FAM200A: variants seen among roughly 807,000 people sequenced by gnomAD.
FAM200A encodes the protein protein FAM200A.
In FAM200A, 26 loss-of-function variants were observed where a neutral mutation model predicts 44.2. The observed-to-expected ratio is 0.59, with a 90% CI of 0.43 to 0.82. The LOEUF (loss-of-function observed/expected upper bound fraction) is 0.82, where lower values mean the gene tolerates loss of function less well. Ranked by LOEUF, FAM200A falls within the 40% of genes least tolerant of loss-of-function variation. The probability of loss-of-function intolerance (pLI) is 0.00; values close to 1 mark genes in which losing one functional copy is unlikely to be tolerated. For synonymous variants in FAM200A, 206 were observed against 244.4 expected (o/e 0.84, Z 1.47); for missense variants, 606 against 669.5 (o/e 0.91, Z 1.05).
At chr7:99,553,056 TATATATACACACAC>T (rs58445512), upstream of FAM200A, among the ~76,000 whole-genome samples, 100 of 109,502 alleles carry the variant, frequency 9.1e-4, no homozygotes, top group Non-Finnish European at 1.3e-3. Flanking sequence ...CACACATATA[TATATATACACACAC>T]ATATATATAT....
Position 99,547,587 on chromosome 7 carries a change from C to G in FAM200A, c.821G>C (p.Ser274Thr). The change falls in exon 2 of 2, where the codon AGC (serine) becomes ACC (threonine). Residue 274 changes from serine (S) to threonine (T), a missense_variant. Coordinates refer to ENST00000449309, the MANE Select transcript of FAM200A (RefSeq NM_145111.4). ...TTCGAGAAGTCGGCTATTCAGTGAG[C>G]TTCCTTTAATAAAATTAACAGTTTT... is the stretch of plus-strand genomic sequence containing the variant. ...AVKTVNFIKG[S>T]SLNSRLLEIF... is the part of the protein sequence containing the mutation. The G allele has an allele frequency of 6.4e-7, 1 of 1,551,408 alleles. No homozygotes were observed. The highest frequency in any genetic ancestry group is 8.7e-7 in the Non-Finnish European group (1 of 1,146,934).
At chr7:99,557,929 G>A (rs1242638063) in intron 1 of FAM200A, among the ~76,000 whole-genome samples, 1 of 152,198 alleles carries the variant, frequency 6.6e-6, no homozygotes, top group African/African-American at 2.4e-5. Context: ...TAAGGATCCA[G>A]GTTCAGCAAG....
upstream of FAM200A, among the ~76,000 whole-genome samples, chr7:99,553,938 T>C (rs151076355): frequency 6.6e-6 from 1 of 152,340 alleles, no homozygotes; most frequent in East Asian, 1.9e-4. Context: ...TTCAGGTATG[T>C]CAATGGATAA....
At position 99,548,250 on chromosome 7, in the gene FAM200A, G is replaced by A. The variant is rs757343996; in HGVS notation, c.158C>T (p.Ser53Phe). 6.2e-7 allele frequency: 1 copy of A among 1,612,348 alleles called. No individual in the cohort carries two copies. The highest frequency in any genetic ancestry group is 8.5e-7 in the Non-Finnish European group (1 of 1,179,158). Residue 53 changes from serine to phenylalanine, a missense_variant, in exon 2 of 2, where the codon TCT becomes TTT. Physicochemically the swap from Ser to Phe is radical, Grantham distance 155. Transcript: ENST00000449309. ...VESSPQVLSR[S>F]TTMNERALLS... ...TAAGGCTCTCTCATTCATAGTTGTA[G>A]AGCGACTGAGAACTTGTGGCGATGA... is the stretch of plus-strand genomic sequence containing the variant.
At chr7:99,555,022 T>C (rs1802651426), upstream of FAM200A, among the ~76,000 whole-genome samples, 1 of 152,352 alleles carries the variant, frequency 6.6e-6, no homozygotes, top group South Asian at 2.1e-4. Flanking sequence ...GCTGTGACTC[T>C]TTATGATGGG....
Position 99,546,791 on chromosome 7 carries a change from CTT to C in FAM200A, c.1615_1616del (p.Lys539GlufsTer4). The C allele has an allele frequency of 5.2e-6, 8 of 1,551,626 alleles. No homozygotes were observed. The highest frequency in any genetic ancestry group is 7.0e-6 in the Non-Finnish European group (8 of 1,146,982). On this transcript the variant is annotated frameshift_variant, in exon 2 of 2. Transcript: ENST00000449309. LOFTEE classifies it high-confidence loss of function. The part of the protein sequence containing the change: ...GFSILTRLKT[K>X]KRNRLNSAPD... ...GTGCACTATTGAGCCTATTTCTCTTCTTTGTTTTTAACCGTGTCAAGATTGAA... is the reference window on the plus strand; with the variant it reads ...GTGCACTATTGAGCCTATTTCTCTTCTGTTTTTAACCGTGTCAAGATTGAA...
chr7:99,553,018 C>T (rs1429101421), upstream of FAM200A, among the ~76,000 whole-genome samples: 1 of 131,744 alleles, frequency 7.6e-6, no homozygotes, highest in Non-Finnish European at 1.6e-5. Flanking sequence ...TATATATACA[C>T]ATATATATAC....
chr7:99,553,099 ATT>A (rs576289512), upstream of FAM200A, among the ~76,000 whole-genome samples: 457 of 61,236 alleles, frequency 7.5e-3, 4 homozygotes, highest in East Asian at 0.012. Context: ...ATATATATAT[ATT>A]TTTTTTTTTT....
In FAM200A at chr7:99,547,340, T is replaced by C. The variant is rs1221731245; in HGVS notation, c.1068A>G (p.Glu356=). Residue 356 remains glutamate, a synonymous_variant, in exon 2 of 2, where the codon GAA becomes GAG. Coordinates refer to ENST00000449309, the MANE Select transcript of FAM200A (RefSeq NM_145111.4). ...YLSDIFGILN[E]LSLKMQGKNN... ...TTTTCCCCTGCATTTTCAGGCTTAATTCATTAAGAATGCCAAAAATATCAC... is the reference window on the plus strand; with the variant it reads ...TTTTCCCCTGCATTTTCAGGCTTAACTCATTAAGAATGCCAAAAATATCAC... 7.1e-6 allele frequency: 11 copies of C among 1,550,266 alleles called. No homozygotes were observed. Among genetic ancestry groups the C allele is most frequent in the Admixed American group, 2.0e-5 (1 of 50,888 alleles).
upstream of FAM200A, among the ~76,000 whole-genome samples, chr7:99,553,623 AT>A (rs1255702349): frequency 6.6e-6 from 1 of 152,198 alleles, no homozygotes; most frequent in Non-Finnish European, 1.5e-5. Flanking sequence ...GGAGGCACAA[AT>A]TCTACAGGTG....
rs1334676226 is a variant in FAM200A at position 99,547,192 on chromosome 7, T to A, written c.1216A>T (p.Ile406Phe). The change falls in exon 2 of 2, where the codon ATC (isoleucine) becomes TTC (phenylalanine). Residue 406 changes from isoleucine to phenylalanine, a missense_variant. Coordinates refer to ENST00000449309, the MANE Select transcript of FAM200A (RefSeq NM_145111.4). ...YYMFPTLLQHIEENIINEDCL... is the reference protein window; with the variant it reads ...YYMFPTLLQHFEENIINEDCL... ...TCTTCATTAATAATGTTCTCTTCGA[T>A]GTGTTGCAATAATGTTGGAAACATA... The A allele has an allele frequency of 1.3e-6, 2 of 1,548,964 alleles. No individual in the cohort carries two copies. The highest frequency in any genetic ancestry group is 1.7e-6 in the Non-Finnish European group (2 of 1,146,356).
Position 99,551,949 on chromosome 7 carries a change from G to C in FAM200A, c.-195C>G. Reference sequence around the variant, plus strand: ...ACGGACCCGCTTCCACTCCGTCCCGGGCGGTCGTGGCGAGGGGATTGCAGG... The same window carrying C: ...ACGGACCCGCTTCCACTCCGTCCCGCGCGGTCGTGGCGAGGGGATTGCAGG... On this transcript the variant is annotated 5_prime_UTR_variant, in exon 1 of 2. Transcript: ENST00000449309. 1.0e-6 allele frequency: 1 copy of C among 985,546 alleles called. No individual in the cohort carries two copies. The highest frequency in any genetic ancestry group is 1.2e-6 in the Non-Finnish European group (1 of 829,996). The allele number at this position is 985,546 out of a possible 1,614,324, so 61.1% of individuals were successfully genotyped here.
chr7:99,551,274 A>AC (rs937543624), intron 1 of FAM200A, among the ~76,000 whole-genome samples: 16 of 151,272 alleles, frequency 1.1e-4, no homozygotes, highest in South Asian at 6.4e-4. Flanking sequence ...ATCCTGGCTC[A>AC]CTGCAACCTC....
Position 99,548,144 on chromosome 7 carries a change from T to C in FAM200A, c.264A>G (p.Ala88=). 1 of 1,551,932 alleles carries C rather than the reference T, an allele frequency of 6.4e-7. No homozygotes were observed. Among genetic ancestry groups the C allele is most frequent in the East Asian group, 2.4e-5 (1 of 40,940 alleles). The change falls in exon 2 of 2, where the codon GCA becomes GCG. Residue 88 remains alanine (A), a synonymous_variant. Coordinates refer to ENST00000449309, the MANE Select transcript of FAM200A (RefSeq NM_145111.4). ...HTAAEKIILP[A]CMDMVRTIFD... ...AAATTGTCCGTACCATGTCCATACA[T>C]GCTGGAAGGATAATTTTTTCAGCCG...
upstream of FAM200A, among the ~76,000 whole-genome samples, chr7:99,555,897 C>A (rs1056141638): frequency 2.0e-5 from 3 of 152,066 alleles, no homozygotes; most frequent in African/African-American, 7.2e-5. Context: ...CAGAGCAAGA[C>A]TCCGTGTCAA....
At chr7:99,552,252 G>C (rs952352965), upstream of FAM200A, 10 of 828,648 alleles carry the variant, frequency 1.2e-5, no homozygotes, top group African/African-American at 1.8e-4. Context: ...CAGCTTGTCC[G>C]CTCCGAGGAG....
At chr7:99,553,068 C>CATATATAATATAT, upstream of FAM200A, among the ~76,000 whole-genome samples, 1 of 89,370 alleles carries the variant, frequency 1.1e-5, no homozygotes, top group Admixed American at 1.2e-4. Flanking sequence ...TATATACACA[C>CATATATAATATAT]ACATATATAT....
chr7:99,553,070 C>CATATATATATATAT (rs1178743418), upstream of FAM200A, among the ~76,000 whole-genome samples: 12 of 74,040 alleles, frequency 1.6e-4, no homozygotes, highest in African/African-American at 3.8e-4. Flanking sequence ...TATACACACA[C>CATATATATATATAT]ATATATATAT....
Position 99,552,014 on chromosome 7 carries a change from A to G in FAM200A, c.-260T>C. 2.0e-6 allele frequency: 2 copies of G among 985,598 alleles called. No homozygotes were observed. The highest frequency in any genetic ancestry group is 2.4e-6 in the Non-Finnish European group (2 of 830,062). 61.1% of individuals were successfully genotyped at this position (985,598 alleles called of 1,614,324 possible). The stretch of plus-strand genomic sequence containing the variant: ...GTCCAACTCTGTCCCCGCCCGGAGA[A>G]GTCTGGGATGCTGGGATAGAAGGGG... On this transcript the variant is annotated 5_prime_UTR_variant, in exon 1 of 2. Coordinates refer to ENST00000449309, the MANE Select transcript of FAM200A (RefSeq NM_145111.4).
Sources: gnomAD v4.1 joint callset for allele counts (sites outside exome capture counted in the v4.1 genomes callset) on GRCh38, gnomAD v4.1.1 for gene constraint, MANE v1.5 for transcripts, NCBI Gene and HGNC (gene_info 2026-07-23, HGNC 2026-07-21) for gene names.